Variants in GRHL2 observed in about 807,000 individuals in gnomAD.
The protein encoded by GRHL2 is grainyhead-like protein 2 homolog.
A neutral mutation model predicts 83.8 loss-of-function variants in GRHL2; 21 were observed. The observed-to-expected ratio is 0.25, with a 90% confidence interval of 0.18 to 0.36. GRHL2 has a LOEUF of 0.36. Ranked by LOEUF, GRHL2 falls within the 10% of genes least tolerant of loss-of-function variation. GRHL2 has a pLI of 1.00. For missense variants in GRHL2, 623 were observed against 781.8 expected (o/e 0.80, Z 2.42); for synonymous variants, 280 against 278.9 (o/e 1.00, Z -0.04).
intron 2 of GRHL2, among the ~76,000 whole-genome samples, chr8:101,546,146 C>A (rs975993672): frequency 1.3e-5 from 2 of 152,080 alleles, no homozygotes; most frequent in African/African-American, 4.8e-5. Context: ...TCCCAAAGTG[C>A]TGGGATTATA....
In GRHL2 at chr8:101,655,564, A is replaced by C. The variant is rs76549311; in HGVS notation, c.1698+6065A>C. On this transcript the variant is annotated intron_variant, in intron 14 of 15. Coordinates refer to ENST00000646743, the MANE Select transcript of GRHL2 (RefSeq NM_024915.4). ...CAGACCTTCATTTCACCTGCCAGAAAATCATTATCTCTACAGATCTATACA... is the reference window on the plus strand; with the variant it reads ...CAGACCTTCATTTCACCTGCCAGAACATCATTATCTCTACAGATCTATACA... Among the ~76,000 whole-genome samples, 1,280 of 152,300 alleles carry C rather than the reference A, an allele frequency of 8.4e-3. 15 individuals are homozygous for C. Among genetic ancestry groups the C allele is most frequent in the East Asian group, 0.053 (276 of 5,190 alleles).
At chr8:101,543,814 C>T (rs1811205939) in intron 2 of GRHL2, 1 of 269,600 alleles carries the variant, frequency 3.7e-6, no homozygotes, top group Non-Finnish European at 7.2e-6. Context: ...TTTCACACTG[C>T]TGATAAAGAC....
chr8:101,646,542 C>T (rs1813514971), intron 13 of GRHL2, among the ~76,000 whole-genome samples: 1 of 152,196 alleles, frequency 6.6e-6, no homozygotes, highest in African/African-American at 2.4e-5. Flanking sequence ...TACTGGGCCC[C>T]TTGCTTGGAG....
chr8:101,523,004 G>C (rs1028854123), intron 1 of GRHL2, among the ~76,000 whole-genome samples: 2 of 151,532 alleles, frequency 1.3e-5, no homozygotes, highest in Non-Finnish European at 1.5e-5. Flanking sequence ...CCGCCTCCCT[G>C]GTTCAAGTGA....
chr8:101,629,904 G>A (rs1170382635), intron 9 of GRHL2, among the ~76,000 whole-genome samples: 1 of 152,054 alleles, frequency 6.6e-6, no homozygotes, highest in Non-Finnish European at 1.5e-5. Flanking sequence ...CAAGCAGATA[G>A]TTTTATATTT....
intron 1 of GRHL2, among the ~76,000 whole-genome samples, chr8:101,529,918 G>C (rs1359060178): frequency 6.6e-6 from 1 of 152,108 alleles, no homozygotes; most frequent in Non-Finnish European, 1.5e-5. Flanking sequence ...GGACTTTCCT[G>C]TTGCTTTAAG....
At chr8:101,508,388 G>GTTTT (rs4002328) in intron 1 of GRHL2, among the ~76,000 whole-genome samples, 67 of 139,586 alleles carry the variant, frequency 4.8e-4, no homozygotes, top group East Asian at 1.9e-3. Context: ...ATTTACTCAG[G>GTTTT]TTTTTTTTTT....
intron 4 of GRHL2, among the ~76,000 whole-genome samples, chr8:101,566,087 T>C (rs1811711244): frequency 6.6e-6 from 1 of 152,222 alleles, no homozygotes; most frequent in Admixed American, 6.5e-5. Flanking sequence ...TTGATTCATC[T>C]ACTACATTGG....
intron 1 of GRHL2, among the ~76,000 whole-genome samples, chr8:101,540,249 T>C (rs904455738): frequency 2.6e-5 from 4 of 152,224 alleles, no homozygotes; most frequent in Non-Finnish European, 5.9e-5. Context: ...ATAAGCACAT[T>C]GTAAGGTAAG....
chr8:101,529,547 G>T, intron 1 of GRHL2: 1 of 236,728 alleles, frequency 4.2e-6, no homozygotes, highest in Non-Finnish European at 8.5e-6. Flanking sequence ...CACTTATGGT[G>T]CACCACCGTC....
intron 1 of GRHL2, among the ~76,000 whole-genome samples, chr8:101,527,836 G>A (rs1810838640): frequency 6.6e-6 from 1 of 152,132 alleles, no homozygotes; most frequent in African/African-American, 2.4e-5. Context: ...AGACTTTCAT[G>A]TTCAAATCCC....
At chr8:101,496,266 C>T (rs1810103425) in intron 1 of GRHL2, among the ~76,000 whole-genome samples, 1 of 151,444 alleles carries the variant, frequency 6.6e-6, no homozygotes, top group Non-Finnish European at 1.5e-5. Context: ...TGCTATTATT[C>T]AGAAAATGGC....
At chr8:101,552,433 G>T (rs968468818) in intron 2 of GRHL2, among the ~76,000 whole-genome samples, 2 of 152,208 alleles carry the variant, frequency 1.3e-5, no homozygotes, top group Admixed American at 6.5e-5. Flanking sequence ...GGTGGGGAGC[G>T]CATGAGAGGT....
intron 8 of GRHL2, among the ~76,000 whole-genome samples, chr8:101,611,281 T>C (rs1446996456): frequency 2.0e-5 from 3 of 151,074 alleles, no homozygotes; most frequent in Non-Finnish European, 2.9e-5. Context: ...TGCTTTCTTA[T>C]GTTACATCTT....
In GRHL2 at chr8:101,614,361, T is replaced by C. The variant is rs568694752; in HGVS notation, c.1099-5178T>C. 2.0e-5 allele frequency among the ~76,000 whole-genome samples: 3 copies of C among 151,380 alleles called. No homozygotes were observed. The South Asian group carries it at 6.2e-4, about 31-fold the overall frequency. ...CAAAATTAAAATTGTATTTATTATCTGCCTAAATACACCTGATCTAATGAA... is the reference window on the plus strand; with the variant it reads ...CAAAATTAAAATTGTATTTATTATCCGCCTAAATACACCTGATCTAATGAA... On this transcript the variant is annotated intron_variant, in intron 8 of 15. Coordinates refer to ENST00000646743, the MANE Select transcript of GRHL2 (RefSeq NM_024915.4).
chr8:101,681,195 A>T, the GRHL2 span, among the ~76,000 whole-genome samples: 1 of 146,444 alleles, frequency 6.8e-6, no homozygotes, highest in Non-Finnish European at 1.5e-5. Context: ...CTAATAAAGA[A>T]GAAAAGAGAG....
chr8:101,615,485 G>A (rs1438131921), intron 8 of GRHL2, among the ~76,000 whole-genome samples: 1 of 152,166 alleles, frequency 6.6e-6, no homozygotes, highest in African/African-American at 2.4e-5. Flanking sequence ...GTTCTAGGCA[G>A]GCTTTATGAG....
intron 1 of GRHL2, among the ~76,000 whole-genome samples, chr8:101,520,512 C>G (rs1810661463): frequency 6.6e-6 from 1 of 152,060 alleles, no homozygotes; most frequent in African/African-American, 2.4e-5. Flanking sequence ...TCTCCTACAA[C>G]CTCTTTTCTG....
rs138060738 is a variant in GRHL2, at chr8:101,558,342, C to T, written c.285-77C>T. 350 of 1,522,348 alleles carry T rather than the reference C, an allele frequency of 2.3e-4. 2 individuals are homozygous for T. In the African/African-American group the frequency reaches 3.2e-3, roughly 14 times the overall value. 94.3% of individuals were successfully genotyped at this position (1,522,348 alleles called of 1,614,324 possible). A position where few individuals can be genotyped will look rare whatever the true frequency, so the allele number is the denominator to read the frequency against. On this transcript the variant is annotated intron_variant, in intron 3 of 15. Transcript: ENST00000646743. ...ATTAACATCCAATGATTATTGCCTG[C>T]ATTGGTTATTCTATTAGGCGTTGCC... is the stretch of plus-strand genomic sequence containing the variant.
Sources: gnomAD v4.1 joint callset for allele counts (sites outside exome capture counted in the v4.1 genomes callset) on GRCh38, gnomAD v4.1.1 for gene constraint, MANE v1.5 for transcripts, NCBI Gene and HGNC (gene_info 2026-07-23, HGNC 2026-07-21) for gene names.